Variants in NADSYN1 observed in about 807,000 individuals in gnomAD.
The protein encoded by NADSYN1 is glutamine-dependent NAD(+) synthetase.
A neutral mutation model predicts 99.3 loss-of-function variants in NADSYN1; 80 were observed. The observed-to-expected ratio is 0.81, with a 90% CI of 0.67 to 0.97. The LOEUF is 0.97. Ranked by LOEUF, NADSYN1 falls within the 50% of genes least tolerant of loss-of-function variation. The probability of loss-of-function intolerance (pLI) is 0.00; values close to 1 mark genes in which losing one functional copy is unlikely to be tolerated. For missense variants in NADSYN1, 859 were observed against 948.5 expected (o/e 0.91, Z 1.24); for synonymous variants, 385 against 372.1 (o/e 1.03, Z -0.40).
In NADSYN1 at chr11:71,480,858, A is replaced by G. The variant is rs753598476; in HGVS notation, c.977A>G (p.His326Arg). 2.0e-5 allele frequency: 32 copies of G among 1,614,122 alleles called. No homozygotes were observed. In the South Asian group the frequency reaches 2.3e-4, roughly 12 times the overall value. The change falls in exon 11 of 21, where the codon CAC becomes CGC. Residue 326 changes from histidine (H) to arginine (R), a missense_variant. His to Arg is a conservative substitution (Grantham distance 29, BLOSUM62 0). Transcript: ENST00000319023. ...PISEPIEWKY[H>R]SPEEEISLGP... ...TCTGAGCCCATCGAGTGGAAATACC[A>G]CAGCCCTGAGGAGGAGATAAGGTGT...
At chr11:71,488,690 C>A (rs57197278) in intron 16 of NADSYN1, among the ~76,000 whole-genome samples, 12,612 of 151,990 alleles carry the variant, frequency 0.083, 626 homozygotes, top group African/African-American at 0.14. Context: ...GCTCTGTCAC[C>A]CAGGCTGGAG....
intron 6 of NADSYN1, among the ~76,000 whole-genome samples, 163 bp downstream of exon 6, chr11:71,472,663 G>A (rs899644934): frequency 6.6e-6 from 1 of 152,170 alleles, no homozygotes; most frequent in Non-Finnish European, 1.5e-5. Context: ...ATAGTGAGGG[G>A]GGCTGCGTGG....
intron 10 of NADSYN1, 128 bp downstream of exon 10, chr11:71,478,597 T>G: frequency 1.2e-6 from 1 of 808,164 alleles, no homozygotes; most frequent in Non-Finnish European, 2.0e-6. Context: ...AGTTCCGGAC[T>G]TCCCGAGCGT....
rs529904703 is a variant in NADSYN1 at position 71,501,559 on chromosome 11, A to G, written c.*207A>G. On this transcript the variant is annotated 3_prime_UTR_variant, in exon 21 of 21. Coordinates refer to ENST00000319023, the MANE Select transcript of NADSYN1 (RefSeq NM_018161.5). Reference sequence around the variant, plus strand: ...AAAAAGAGGCTGGAATCCAATGCACATGATTTTGACCTCCCGCCAGCGTGC... The same window carrying G: ...AAAAAGAGGCTGGAATCCAATGCACGTGATTTTGACCTCCCGCCAGCGTGC... 5.3e-6 allele frequency: 3 copies of G among 569,138 alleles called. No homozygotes were observed. The highest frequency in any genetic ancestry group is 3.0e-5 in the East Asian group (1 of 32,878). 35.3% of individuals were successfully genotyped at this position (569,138 alleles called of 1,614,324 possible). A position where few individuals can be genotyped will look rare whatever the true frequency, so the allele number is the denominator to read the frequency against.
chr11:71,496,420 A>G (rs1255847034), intron 18 of NADSYN1: 1 of 152,208 alleles, frequency 6.6e-6, no homozygotes, highest in Admixed American at 6.5e-5. Flanking sequence ...TGCAACCTAG[A>G]TCCCTCGCTT....
intron 18 of NADSYN1, 29 bp from the exon 19 acceptor site, chr11:71,497,451 GTCA>G: frequency 1.9e-6 from 3 of 1,613,710 alleles, no homozygotes; most frequent in Non-Finnish European, 2.5e-6. Context: ...GTGACTTGCT[GTCA>G]TCATGGAACA....
At chr11:71,461,576 G>A (rs1039258772) in intron 3 of NADSYN1, among the ~76,000 whole-genome samples, 6 of 152,074 alleles carry the variant, frequency 3.9e-5, no homozygotes, top group Admixed American at 2.6e-4. Flanking sequence ...CTACAGGCAT[G>A]CACCACCACA....
At chr11:71,455,053 C>A in intron 1 of NADSYN1, 57 bp from the exon 2 acceptor site, 1 of 1,337,318 alleles carries the variant, frequency 7.5e-7, no homozygotes, top group Non-Finnish European at 1.1e-6. Flanking sequence ...TTTCATCTGT[C>A]TTTGAGTGTA....
At chr11:71,475,934 A>C (rs1325922264) in intron 9 of NADSYN1, 2 of 435,106 alleles carry the variant, frequency 4.6e-6, no homozygotes, top group Non-Finnish European at 9.2e-6. Flanking sequence ...GGCTGGTCGC[A>C]AACTCCTGAG....
chr11:71,475,876 AT>A (rs1186873702), intron 9 of NADSYN1, among the ~76,000 whole-genome samples: 1 of 151,962 alleles, frequency 6.6e-6, no homozygotes, highest in African/African-American at 2.4e-5. Context: ...TGCCCAGCTA[AT>A]TTTTTTGTAT....
chr11:71,456,895 T>C (rs1011207848), intron 2 of NADSYN1, among the ~76,000 whole-genome samples: 4 of 152,152 alleles, frequency 2.6e-5, no homozygotes, highest in African/African-American at 9.7e-5. Context: ...TTCTTACTGG[T>C]TAGAGGTCCA....
At chr11:71,493,137 G>A (rs781052749) in intron 18 of NADSYN1, among the ~76,000 whole-genome samples, 13 of 152,072 alleles carry the variant, frequency 8.5e-5, no homozygotes, top group African/African-American at 2.2e-4. Flanking sequence ...CAAGTAACCC[G>A]CCCGCCTTGG....
At chr11:71,473,853 G>A (rs186403322) in intron 8 of NADSYN1, among the ~76,000 whole-genome samples, 167 bp downstream of exon 8, 328 of 152,310 alleles carry the variant, frequency 2.2e-3, no homozygotes, top group Non-Finnish European at 4.3e-3. Context: ...CCAGGGCTTC[G>A]CCGGCACAGC....
intron 16 of NADSYN1, among the ~76,000 whole-genome samples, chr11:71,487,453 TA>T (rs767435318): frequency 6.6e-6 from 1 of 152,178 alleles, no homozygotes; most frequent in Non-Finnish European, 1.5e-5. Context: ...TTCTAGTATT[TA>T]AAATGTTAAC....
chr11:71,473,744 C>T (rs1034659199), intron 8 of NADSYN1, 58 bp downstream of exon 8: 20 of 1,245,568 alleles, frequency 1.6e-5, no homozygotes, highest in African/African-American at 5.9e-5. Flanking sequence ...TCAAGAACTC[C>T]TGCATCCTCA....
At position 71,485,653 on chromosome 11, in the gene NADSYN1, G is replaced by A. The variant is rs1427126370; in HGVS notation, c.1562+5G>A. 1.9e-6 allele frequency: 3 copies of A among 1,549,774 alleles called. No individual in the cohort carries two copies. The highest frequency in any genetic ancestry group is 1.4e-5 in the African/African-American group (1 of 72,956). ...ATCCGCCAACGTGGATGAGAGGTGA[G>A]TGTGGCCCAGTGGCACGTGGTGGTG... On this transcript the variant is annotated splice_donor_5th_base_variant and intron_variant, in intron 16 of 20. Coordinates refer to ENST00000319023, the MANE Select transcript of NADSYN1 (RefSeq NM_018161.5).
intron 2 of NADSYN1, among the ~76,000 whole-genome samples, chr11:71,455,851 A>G (rs1026332742): frequency 3.3e-5 from 5 of 152,258 alleles, no homozygotes; most frequent in African/African-American, 1.2e-4. Flanking sequence ...TCCACAAGCA[A>G]GCATAGGTTA....
At position 71,453,527 on chromosome 11, in the gene NADSYN1, C is replaced by A. The variant is rs115274540; in HGVS notation, c.85+146C>A. ...GATCAGGTGAGATAATGGGCAATGA[C>A]CCCGCCAGTGGTACGTGCTCAGGTC... is the stretch of plus-strand genomic sequence containing the variant. On this transcript the variant is annotated intron_variant, in intron 1 of 20. Transcript: ENST00000319023. The A allele has an allele frequency of 6.9e-3, 4,862 of 703,534 alleles. 159 individuals are homozygous for A. The African/African-American group carries it at 0.078, about 11-fold the overall frequency. The allele number at this position is 703,534 out of a possible 1,614,324, so 43.6% of individuals were successfully genotyped here.
rs748845329 is a variant in NADSYN1, at chr11:71,481,971, G to T, written c.1096G>T (p.Ala366Ser). Residue 366 changes from alanine (A) to serine (S), a missense_variant, in exon 13 of 21, where the codon GCC becomes TCC. Physicochemically the swap from Ala to Ser is moderately conservative, Grantham distance 99 (BLOSUM62 1). Coordinates refer to ENST00000319023, the MANE Select transcript of NADSYN1 (RefSeq NM_018161.5). ...LSGGVDSAAT[A>S]CLIYSMCCQV... The stretch of plus-strand genomic sequence containing the variant: ...TGGCGGGGTGGACAGCGCAGCCACC[G>T]CCTGCCTCATCTACTCCATGTGCTG... 5.6e-6 allele frequency: 9 copies of T among 1,609,652 alleles called. No individual in the cohort carries two copies. Among genetic ancestry groups the T allele is most frequent in the Non-Finnish European group, 7.6e-6 (9 of 1,178,348 alleles).
Sources: gnomAD v4.1 joint callset for allele counts (sites outside exome capture counted in the v4.1 genomes callset) on GRCh38, gnomAD v4.1.1 for gene constraint, MANE v1.5 for transcripts, NCBI Gene and HGNC (gene_info 2026-07-23, HGNC 2026-07-21) for gene names.